LIPH: variants seen among roughly 807,000 people sequenced by gnomAD.
LIPH encodes lipase H.
LIPH carries 32 observed loss-of-function variants against 47.6 expected under a neutral mutation model. That is an observed-to-expected ratio of 0.67 (90% CI 0.51 to 0.90). The LOEUF (loss-of-function observed/expected upper bound fraction) is 0.90. LIPH is among the 40% of genes least tolerant of loss of function. The pLI is 0.00. For synonymous variants in LIPH, 190 were observed against 195.6 expected (o/e 0.97, Z 0.24); for missense variants, 497 against 541.4 (o/e 0.92, Z 0.81).
At position 185,527,485 on chromosome 3, in the gene LIPH, A is replaced by G. The variant is rs367726629; in HGVS notation, c.627T>C (p.Asp209=). ...GACCCACAAGGAAAGGAGCGTTACC[A>G]TCAGTGTCGGAATGGATGACATCAA... ...QFVDVIHSDT[D]ALGYKEPLGN... The change falls in exon 4 of 10, where the codon GAT becomes GAC. Residue 209 remains aspartate (D), a splice_region_variant and synonymous_variant. Transcript: ENST00000296252. 1.2e-5 allele frequency: 19 copies of G among 1,605,722 alleles called. No individual in the cohort carries two copies. The highest frequency in any genetic ancestry group is 6.6e-5 in the South Asian group (6 of 90,796).
chr3:185,529,760 C>A (rs917927815), intron 3 of LIPH, among the ~76,000 whole-genome samples: 1 of 151,128 alleles, frequency 6.6e-6, no homozygotes, highest in Non-Finnish European at 1.5e-5. Flanking sequence ...TGTGGTGGCT[C>A]ATGCTTGTAA....
At chr3:185,526,526 TAATAAAATAA>T (rs202217231) in intron 4 of LIPH, among the ~76,000 whole-genome samples, 5 of 122,502 alleles carry the variant, frequency 4.1e-5, no homozygotes, top group East Asian at 2.3e-4. Context: ...CGTCTCAAAA[TAATAAAATAA>T]AATAAAATAA....
Position 185,543,579 on chromosome 3 carries a change from T to A in LIPH, c.50-8447A>T, listed in dbSNP as rs530061573. On this transcript the variant is annotated intron_variant, in intron 1 of 9. Coordinates refer to ENST00000296252, the MANE Select transcript of LIPH (RefSeq NM_139248.3). The stretch of plus-strand genomic sequence containing the variant: ...AATGGGACATAACTAACACAAATAC[T>A]GAGAACAGGCTGGATATAAAAATTA... 2.0e-5 allele frequency among the ~76,000 whole-genome samples: 3 copies of A among 152,292 alleles called. No individual in the cohort carries two copies. In the South Asian group the frequency reaches 6.2e-4, roughly 32 times the overall value.
In LIPH at chr3:185,534,933, G is replaced by T; in HGVS notation, c.249C>A (p.Ser83=). The T allele has an allele frequency of 6.2e-7, 1 of 1,613,710 alleles. No homozygotes were observed. The highest frequency in any genetic ancestry group is 8.5e-7 in the Non-Finnish European group (1 of 1,179,646). ...FIVHGFRPTG[S]PPVWMDDLVK... is the part of the protein sequence containing the mutation. ...CTAAGTCATCCATCCAAACAGGAGG[G>T]GAGCCTGTTGGCCTGAATCCATGGA... is the stretch of plus-strand genomic sequence containing the variant. The change falls in exon 2 of 10, where the codon TCC becomes TCA. Residue 83 remains serine, a synonymous_variant. Coordinates refer to ENST00000296252, the MANE Select transcript of LIPH (RefSeq NM_139248.3).
intron 1 of LIPH, among the ~76,000 whole-genome samples, chr3:185,550,161 C>T (rs1446320428): frequency 7.2e-5 from 11 of 152,082 alleles, no homozygotes; most frequent in Non-Finnish European, 2.9e-5. Flanking sequence ...AACAAGAAGT[C>T]CATGTATTTG....
chr3:185,522,840 A>G (rs1405969091), intron 5 of LIPH, among the ~76,000 whole-genome samples: 1 of 152,202 alleles, frequency 6.6e-6, no homozygotes, highest in African/African-American at 2.4e-5. Flanking sequence ...TAGTGATGCA[A>G]AAACACCTAA....
intron 9 of LIPH, among the ~76,000 whole-genome samples, chr3:185,509,946 C>CTT (rs66966684): frequency 1.0e-4 from 12 of 118,428 alleles, no homozygotes; most frequent in East Asian, 2.5e-4. Context: ...TTTTTGTTTT[C>CTT]TTTTTTTTTT....
chr3:185,518,952 G>A (rs1328623593), intron 6 of LIPH, among the ~76,000 whole-genome samples, 190 bp downstream of exon 6: 11 of 151,706 alleles, frequency 7.3e-5, no homozygotes, highest in Non-Finnish European at 1.5e-4. Flanking sequence ...TCAAACTCTT[G>A]ACCTCAAGTG....
At chr3:185,527,106 G>C (rs1014996536) in intron 4 of LIPH, among the ~76,000 whole-genome samples, 10 of 152,160 alleles carry the variant, frequency 6.6e-5, no homozygotes, top group African/African-American at 1.2e-4. Context: ...AGGCGTGGCG[G>C]CGTGTGCCTA....
At chr3:185,535,163 A>C (rs1322970276) in intron 1 of LIPH, 31 bp from the exon 2 acceptor site, 1 of 1,611,536 alleles carries the variant, frequency 6.2e-7, no homozygotes, top group Non-Finnish European at 8.5e-7. Flanking sequence ...GCATCACGAC[A>C]GGTCTTTCCT....
chr3:185,520,080 C>T (rs1577669349), intron 5 of LIPH, among the ~76,000 whole-genome samples: 3 of 152,212 alleles, frequency 2.0e-5, no homozygotes, highest in South Asian at 4.1e-4. Context: ...AGTTTGAAAG[C>T]CCCTGGTCTA....
chr3:185,529,966 G>A (rs1463042910), intron 3 of LIPH, among the ~76,000 whole-genome samples: 8 of 42,166 alleles, frequency 1.9e-4, no homozygotes, highest in African/African-American at 2.6e-4. Context: ...AAGAAAGAAG[G>A]AAAGAAAGAA....
intron 1 of LIPH, among the ~76,000 whole-genome samples, chr3:185,549,055 C>T (rs1042783404): frequency 4.0e-5 from 6 of 150,104 alleles, no homozygotes. Context: ...TGCTTGAACC[C>T]GGGAGGCAGA....
intron 2 of LIPH, 79 bp downstream of exon 2, chr3:185,534,686 A>C: frequency 6.9e-7 from 1 of 1,442,690 alleles, no homozygotes. Context: ...TGCTCACTGT[A>C]GCTATCTCTT....
intron 2 of LIPH, among the ~76,000 whole-genome samples, chr3:185,534,148 G>A (rs1720427932): frequency 6.6e-6 from 1 of 152,154 alleles, no homozygotes; most frequent in Non-Finnish European, 1.5e-5. Context: ...ACGAGGTCAG[G>A]AGATCAAGAC....
intron 4 of LIPH, among the ~76,000 whole-genome samples, chr3:185,525,086 G>T (rs540627244): frequency 6.6e-6 from 1 of 152,022 alleles, no homozygotes; most frequent in Non-Finnish European, 1.5e-5. Flanking sequence ...ATTGTGGTGT[G>T]TGCCTGTAGT....
At position 185,534,989 on chromosome 3, in the gene LIPH, A is replaced by G. The variant is rs529873597; in HGVS notation, c.193T>C (p.Leu65=). The G allele has an allele frequency of 1.9e-6, 3 of 1,613,958 alleles. No individual in the cohort carries two copies. The highest frequency in any genetic ancestry group is 2.2e-5 in the South Asian group (2 of 91,020). Residue 65 remains leucine, a synonymous_variant, in exon 2 of 10, where the codon TTG becomes CTG. Coordinates refer to ENST00000296252, the MANE Select transcript of LIPH (RefSeq NM_139248.3). ...AAGGTGGTTTTCTTGGTCACATTCA[A>G]GTTCCCAAAAGCTGAGGAGTTGATG... is the stretch of plus-strand genomic sequence containing the variant. ...QTINSSAFGN[L]NVTKKTTFIV...
At chr3:185,535,799 C>G (rs369099303) in intron 1 of LIPH, among the ~76,000 whole-genome samples, 1 of 152,100 alleles carries the variant, frequency 6.6e-6, no homozygotes, top group Non-Finnish European at 1.5e-5. Flanking sequence ...GATGGGGTTT[C>G]ACCATGTTGG....
chr3:185,547,383 C>T (rs973720985), intron 1 of LIPH, among the ~76,000 whole-genome samples: 1 of 152,094 alleles, frequency 6.6e-6, no homozygotes, highest in African/African-American at 2.4e-5. Context: ...GCTTTTTTAT[C>T]TCGAGTTTTG....
Sources: gnomAD v4.1 joint callset for allele counts (sites outside exome capture counted in the v4.1 genomes callset) on GRCh38, gnomAD v4.1.1 for gene constraint, MANE v1.5 for transcripts, NCBI Gene and HGNC (gene_info 2026-07-23, HGNC 2026-07-21) for gene names.